The following DCDC2C variants were observed in gnomAD, a reference collection of about 807,000 sequenced individuals.
The protein encoded by DCDC2C is doublecortin domain-containing protein 2C.
A neutral mutation model predicts 45.0 loss-of-function variants in DCDC2C; 44 were observed. That is an observed-to-expected ratio of 0.98 (90% confidence interval 0.77 to 1.26). The LOEUF (loss-of-function observed/expected upper bound fraction) is 1.26. Ranked by LOEUF, DCDC2C falls within the 50% of genes most tolerant of loss-of-function variation. The probability of loss-of-function intolerance (pLI) is 0.00; values close to 1 mark genes in which losing one functional copy is unlikely to be tolerated. For synonymous variants in DCDC2C, 187 were observed against 178.8 expected (o/e 1.05, Z -0.37); for missense variants, 447 against 468.9 (o/e 0.95, Z 0.43).
chr2:3,781,801 T>C (rs1457381756), intron 9 of DCDC2C, among the ~76,000 whole-genome samples: 1 of 152,034 alleles, frequency 6.6e-6, no homozygotes, highest in Admixed American at 6.6e-5. Flanking sequence ...GCCCAGGAGG[T>C]TGAGGCTGCA....
In DCDC2C at chr2:3,703,829, G is replaced by C. The variant is rs747682949; in HGVS notation, c.78G>C (p.Pro26=). Residue 26 remains proline, a synonymous_variant, in exon 1 of 11, where the codon CCG becomes CCC. Coordinates refer to ENST00000399143, the MANE Select transcript of DCDC2C (RefSeq NM_001287444.2). The surrounding 1 kb of genome is among the most constrained non-coding windows in gnomAD (Gnocchi z 4.4). ...TCGTGGTGTACCGCAACGGGGACCC[G>C]TTCTACGTGGGCAAGAAGTTCGTGC... is the stretch of plus-strand genomic sequence containing the variant. ...KTIVVYRNGD[P]FYVGKKFVLS... is the part of the protein sequence containing the mutation. The C allele has an allele frequency of 7.2e-5, 91 of 1,270,864 alleles. No homozygotes were observed. The highest frequency in any genetic ancestry group is 9.4e-5 in the East Asian group (3 of 31,794). The allele number at this position is 1,270,864 out of a possible 1,614,324, so 78.7% of individuals were successfully genotyped here. A position where few individuals can be genotyped will look rare whatever the true frequency, so the allele number is the denominator to read the frequency against.
At chr2:3,764,493 A>T (rs1368427643) in intron 6 of DCDC2C, among the ~76,000 whole-genome samples, 1 of 152,212 alleles carries the variant, frequency 6.6e-6, no homozygotes. Flanking sequence ...GTTTGGGAGG[A>T]AAGAGCATAT....
At chr2:3,720,018 G>T (rs1668454130) in intron 2 of DCDC2C, among the ~76,000 whole-genome samples, 1 of 152,200 alleles carries the variant, frequency 6.6e-6, no homozygotes, top group African/African-American at 2.4e-5. Context: ...GAGTGTGCAG[G>T]TGGCACCTGC....
At chr2:3,706,587 C>G (rs770098338) in intron 1 of DCDC2C, among the ~76,000 whole-genome samples, 4 of 152,080 alleles carry the variant, frequency 2.6e-5, no homozygotes, top group Non-Finnish European at 5.9e-5. Flanking sequence ...GGAGGGACCC[C>G]AAAGAATTTG....
intron 10 of DCDC2C, among the ~76,000 whole-genome samples, chr2:3,815,137 A>G (rs1671521810): frequency 6.6e-6 from 1 of 152,196 alleles, no homozygotes; most frequent in Admixed American, 6.5e-5. Context: ...TGCACATTCT[A>G]GGATTGGTAC....
In DCDC2C at chr2:3,748,362, G is replaced by A. The variant is rs556039658; in HGVS notation, c.546-4401G>A. On this transcript the variant is annotated intron_variant, in intron 4 of 10. Transcript: ENST00000399143. ...TAGGAATGAGTGAGCGAGAGATGGG[G>A]GTGGGGGTGGGGAGTGTGTGGTGGG... 8.6e-4 allele frequency among the ~76,000 whole-genome samples: 129 copies of A among 150,352 alleles called. 1 individual carries two copies. Among genetic ancestry groups the A allele is most frequent in the Middle Eastern group, 3.4e-3 (1 of 292 alleles).
intron 4 of DCDC2C, among the ~76,000 whole-genome samples, chr2:3,745,193 C>T (rs1289449805): frequency 7.2e-5 from 11 of 152,150 alleles, no homozygotes; most frequent in Non-Finnish European, 1.2e-4. Flanking sequence ...GCCATGTTGG[C>T]CAGGCTGCTC....
intron 6 of DCDC2C, among the ~76,000 whole-genome samples, chr2:3,759,303 G>A (rs1021237458): frequency 6.6e-6 from 1 of 152,194 alleles, no homozygotes; most frequent in Admixed American, 6.5e-5. Flanking sequence ...AGCATGCTAT[G>A]TCATAAAAAT....
Position 3,778,883 on chromosome 2 carries a change from A to G in DCDC2C, c.1022A>G (p.Lys341Arg). ...AACACCCCTGATTTTGAGGGCAACAAGGTGAGTTCATTTTATTTTGTGTTT... is the reference window on the plus strand; with the variant it reads ...AACACCCCTGATTTTGAGGGCAACAGGGTGAGTTCATTTTATTTTGTGTTT... ...HENTPDFEGNKDKEDARLCED... is the reference protein window; with the variant it reads ...HENTPDFEGNRDKEDARLCED... The change falls in exon 9 of 11, where the codon AAG (lysine) becomes AGG (arginine). Residue 341 changes from lysine (K) to arginine (R), a missense_variant and splice_region_variant. Lys to Arg is a conservative substitution (Grantham distance 26). Transcript: ENST00000399143. The G allele has an allele frequency of 6.4e-7, 1 of 1,550,914 alleles. No homozygotes were observed. Among genetic ancestry groups the G allele is most frequent in the Non-Finnish European group, 8.7e-7 (1 of 1,147,002 alleles).
intron 2 of DCDC2C, among the ~76,000 whole-genome samples, chr2:3,726,440 T>C (rs966283597): frequency 2.0e-5 from 3 of 152,160 alleles, no homozygotes; most frequent in Non-Finnish European, 4.4e-5. Flanking sequence ...TTGTGTCTTA[T>C]CTGCAGTGGA....
chr2:3,793,792 C>G (rs2148193031), intron 10 of DCDC2C, among the ~76,000 whole-genome samples: 1 of 152,292 alleles, frequency 6.6e-6, no homozygotes, highest in South Asian at 2.1e-4. Context: ...CTGCTGTGCT[C>G]CTCAGAGACA....
chr2:3,829,844 A>T (rs1671910786), intron 10 of DCDC2C, among the ~76,000 whole-genome samples: 1 of 152,286 alleles, frequency 6.6e-6, no homozygotes, highest in African/African-American at 2.4e-5. Context: ...TCTTCCTATT[A>T]GGTGGCTGGT....
rs912927071 is a variant in DCDC2C at position 3,803,847 on chromosome 2, T to A, written c.1065+18747T>A. Among the ~76,000 whole-genome samples, 11 of 152,226 alleles carry A rather than the reference T, an allele frequency of 7.2e-5. 1 individual carries two copies. The highest frequency in any genetic ancestry group is 2.0e-4 in the Admixed American group (3 of 15,284). ...TGGCCTCAGCACTGGCTGGTGCAGGTCAGCCCCTGGCTTTGCACTCTTCTG... is the reference window on the plus strand; with the variant it reads ...TGGCCTCAGCACTGGCTGGTGCAGGACAGCCCCTGGCTTTGCACTCTTCTG... On this transcript the variant is annotated intron_variant, in intron 10 of 10. Coordinates refer to ENST00000399143, the MANE Select transcript of DCDC2C (RefSeq NM_001287444.2).
intron 3 of DCDC2C, among the ~76,000 whole-genome samples, chr2:3,738,605 T>G (rs975510623): frequency 1.4e-5 from 2 of 147,432 alleles, no homozygotes; most frequent in Non-Finnish European, 3.0e-5. Context: ...CTCTAGTGAT[T>G]CCCCCAGAGG....
chr2:3,728,735 T>G (rs541820914), intron 3 of DCDC2C, among the ~76,000 whole-genome samples: 2 of 152,346 alleles, frequency 1.3e-5, no homozygotes, highest in Admixed American at 1.3e-4. Context: ...ACAGTAGTTA[T>G]GACGGCTTTC....
rs1370089273 is a variant in DCDC2C, at chr2:3,703,598, C to CCCCCGTCCCGT, written c.-134_-124dup. On this transcript the variant is annotated 5_prime_UTR_variant, in exon 1 of 11. Coordinates refer to ENST00000399143, the MANE Select transcript of DCDC2C (RefSeq NM_001287444.2). This position sits in a 1 kb window ranked among gnomAD's most constrained non-coding sequence, Gnocchi z 4.4. Reference sequence around the variant, plus strand: ...GCAGCCCCGTCCCGTCCCCGTCCAGCCCCCGTCCCGTCCCCGTCCCGTCCC... The same window carrying CCCCCGTCCCGT: ...GCAGCCCCGTCCCGTCCCCGTCCAGCCCCCGTCCCGTCCCCGTCCCGTCCCCGTCCCGTCCC... 89 of 730,320 alleles carry CCCCCGTCCCGT rather than the reference C, an allele frequency of 1.2e-4. 1 individual carries two copies. The highest frequency in any genetic ancestry group is 1.0e-3 in the South Asian group (15 of 14,712). 45.2% of individuals were successfully genotyped at this position (730,320 alleles called of 1,614,324 possible).
chr2:3,776,166 T>C (rs1481246530), intron 8 of DCDC2C, among the ~76,000 whole-genome samples: 2 of 152,350 alleles, frequency 1.3e-5, no homozygotes, highest in Middle Eastern at 3.4e-3. Flanking sequence ...TTAATAATTT[T>C]CTCTCTTTCC....
At chr2:3,802,577 C>T (rs1371350330) in intron 10 of DCDC2C, among the ~76,000 whole-genome samples, 1 of 152,084 alleles carries the variant, frequency 6.6e-6, no homozygotes, top group South Asian at 2.1e-4. Context: ...CTGGCAGGCT[C>T]GGTCTGAGGA....
intron 10 of DCDC2C, among the ~76,000 whole-genome samples, chr2:3,832,203 C>T (rs1239899993): frequency 6.6e-6 from 1 of 152,224 alleles, no homozygotes; most frequent in Non-Finnish European, 1.5e-5. Flanking sequence ...TTTCACCATA[C>T]ATTTGTGTTG....
Sources: allele counts gnomAD v4.1 joint callset (sites outside exome capture counted in the v4.1 genomes callset), GRCh38; gene constraint gnomAD v4.1.1; non-coding constraint Gnocchi (gnomAD v3.1); transcripts MANE v1.5; gene names NCBI Gene and HGNC (gene_info 2026-07-23, HGNC 2026-07-21).